COLQ: variants seen among roughly 807,000 people sequenced by gnomAD.
COLQ encodes acetylcholinesterase collagenic tail peptide.
In COLQ, 48 loss-of-function variants were observed where a neutral mutation model predicts 69.0. That is an observed-to-expected ratio of 0.70 (90% CI 0.55 to 0.88). COLQ has a LOEUF of 0.88. Ranked by LOEUF, COLQ falls within the 40% of genes least tolerant of loss-of-function variation. The probability of loss-of-function intolerance (pLI) is 0.00; values close to 1 mark genes in which losing one functional copy is unlikely to be tolerated. For synonymous variants in COLQ, 217 were observed against 211.2 expected, an observed-to-expected ratio of 1.03 and a Z score of -0.24; for missense variants, 618 against 594.6, an observed-to-expected ratio of 1.04 and a Z score of -0.41.
intron 1 of COLQ, among the ~76,000 whole-genome samples, chr3:15,504,260 G>A (rs1208913051): frequency 6.6e-6 from 1 of 152,210 alleles, no homozygotes; most frequent in Middle Eastern, 3.2e-3. Context: ...TAGGGCTGGG[G>A]TAACAAAGTA....
intron 14 of COLQ, 78 bp downstream of exon 14, chr3:15,456,382 G>A (rs1396750813): frequency 1.3e-6 from 2 of 1,592,916 alleles, no homozygotes; most frequent in Non-Finnish European, 1.7e-6. Flanking sequence ...GGCCCAGTGG[G>A]GTGGCCTTCC....
chr3:15,511,020 A>G (rs1362996293), intron 1 of COLQ, among the ~76,000 whole-genome samples: 1 of 152,224 alleles, frequency 6.6e-6, no homozygotes, highest in African/African-American at 2.4e-5. Flanking sequence ...AATGCTCAGA[A>G]GAGAAATACA....
intron 12 of COLQ, 134 bp from the exon 13 acceptor site, chr3:15,458,459 T>G: frequency 1.1e-6 from 1 of 952,344 alleles, no homozygotes; most frequent in East Asian, 2.5e-5. Flanking sequence ...GAGGGAGAGG[T>G]TCAAAGAGAT....
chr3:15,519,512 C>T (rs552446240), intron 1 of COLQ, among the ~76,000 whole-genome samples: 56 of 152,312 alleles, frequency 3.7e-4, no homozygotes, highest in African/African-American at 1.1e-3. Flanking sequence ...CCTATTTGCC[C>T]CTCTTGCCTT....
intron 1 of COLQ, among the ~76,000 whole-genome samples, chr3:15,507,367 C>A (rs1476303845): frequency 6.6e-6 from 1 of 152,234 alleles, no homozygotes; most frequent in African/African-American, 2.4e-5. Context: ...AAGGCCCCAG[C>A]AATTCACGTC....
chr3:15,498,544 G>A (rs1446387539), intron 1 of COLQ: 1 of 1,551,880 alleles, frequency 6.4e-7, no homozygotes, highest in African/African-American at 1.4e-5. Context: ...GAGCAGTCCT[G>A]AAATGATGAG....
chr3:15,499,004 G>GGTTTTT, intron 1 of COLQ: 1 of 1,099,828 alleles, frequency 9.1e-7, no homozygotes, highest in Non-Finnish European at 1.1e-6. Context: ...GACTGCTCTG[G>GGTTTTT]TAAGCCTCAA....
At chr3:15,468,632 C>G (rs2062237044) in intron 11 of COLQ, among the ~76,000 whole-genome samples, 1 of 152,152 alleles carries the variant, frequency 6.6e-6, no homozygotes, top group South Asian at 2.1e-4. Context: ...CCACTCCCGG[C>G]TGAGAAGATT....
chr3:15,463,267 C>T (rs1340070215), intron 12 of COLQ, among the ~76,000 whole-genome samples: 1 of 6,394 alleles, frequency 1.6e-4, no homozygotes, highest in Non-Finnish European at 3.9e-4. Context: ...ATCCCACATC[C>T]ACCAATCCCA....
Position 15,488,178 on chromosome 3 carries a change from C to A in COLQ, c.321+28G>T, listed in dbSNP as rs375323605. 520 of 1,534,448 alleles carry A rather than the reference C, an allele frequency of 3.4e-4. 4 individuals carry two copies. The highest frequency in any genetic ancestry group is 3.2e-3 in the South Asian group (284 of 89,582). ...CTTTCCTGCTCTAAACAGAAGACAG[C>A]GAGAGGGGTCCGGTAGAGTGCACCA... On this transcript the variant is annotated intron_variant, in intron 3 of 16. Coordinates refer to ENST00000383788, the MANE Select transcript of COLQ (RefSeq NM_005677.4).
intron 1 of COLQ, among the ~76,000 whole-genome samples, chr3:15,507,318 C>T (rs2062925163): frequency 6.6e-6 from 1 of 152,196 alleles, no homozygotes; most frequent in Admixed American, 6.5e-5. Flanking sequence ...AGTATGGGCA[C>T]TTGTAATTTT....
chr3:15,479,270 G>T, intron 4 of COLQ, 68 bp downstream of exon 4: 1 of 1,515,478 alleles, frequency 6.6e-7, no homozygotes. Flanking sequence ...GAAATTCTCA[G>T]TGGGATGCCC....
At chr3:15,452,638 G>A (rs2125079480) in intron 16 of COLQ, among the ~76,000 whole-genome samples, 1 of 152,240 alleles carries the variant, frequency 6.6e-6, no homozygotes. Flanking sequence ...TGTCTCTGTG[G>A]AGCCATGAAG....
intron 10 of COLQ, 125 bp from the exon 11 acceptor site, chr3:15,470,741 G>T (rs2062269698): frequency 5.7e-6 from 5 of 881,754 alleles, no homozygotes; most frequent in South Asian, 4.0e-5. Flanking sequence ...TATGCCAACT[G>T]GGCTGCCCTG....
chr3:15,492,590 C>G (rs1392547701), intron 1 of COLQ, among the ~76,000 whole-genome samples: 1 of 152,006 alleles, frequency 6.6e-6, no homozygotes, highest in Non-Finnish European at 1.5e-5. Context: ...TGGCGTGAAC[C>G]CGGGAGGCGG....
chr3:15,483,718 G>A (rs941542278), intron 3 of COLQ, among the ~76,000 whole-genome samples: 9 of 152,234 alleles, frequency 5.9e-5, no homozygotes, highest in Non-Finnish European at 1.2e-4. Context: ...TTCTGTAGAT[G>A]TCTGTTAGGT....
At chr3:15,489,470 G>C (rs2062627175) in intron 2 of COLQ, 55 bp downstream of exon 2, 7 of 1,523,160 alleles carry the variant, frequency 4.6e-6, no homozygotes, top group Non-Finnish European at 6.4e-6. Context: ...GGGCTGCGTG[G>C]TGTGCACTGA....
intron 12 of COLQ, among the ~76,000 whole-genome samples, chr3:15,463,081 G>A (rs1475822015): frequency 6.6e-6 from 1 of 152,104 alleles, no homozygotes; most frequent in Non-Finnish European, 1.5e-5. Context: ...ACCGAAGACA[G>A]ACAAGACAAG....
intron 1 of COLQ, among the ~76,000 whole-genome samples, chr3:15,495,797 C>G (rs1388366195): frequency 3.9e-5 from 6 of 152,158 alleles, no homozygotes; most frequent in Non-Finnish European, 8.8e-5. Context: ...TCCAAGTTTC[C>G]TAGAGTGTTG....
Sources: allele counts gnomAD v4.1 joint callset (sites outside exome capture counted in the v4.1 genomes callset), GRCh38; gene constraint gnomAD v4.1.1; transcripts MANE v1.5; gene names NCBI Gene and HGNC (gene_info 2026-07-23, HGNC 2026-07-21).